Variants in ADAMTS17 observed in about 807,000 individuals in gnomAD.
ADAMTS17 encodes A disintegrin and metalloproteinase with thrombospondin motifs 17.
ADAMTS17 carries 113 observed loss-of-function variants against 141.5 expected under a neutral mutation model. That is an observed-to-expected ratio of 0.80 (90% confidence interval 0.69 to 0.93). The LOEUF is 0.93. Ranked by LOEUF, ADAMTS17 falls within the 40% of genes least tolerant of loss-of-function variation. The pLI is 0.00. For missense variants in ADAMTS17, 1,659 were observed against 1,517.9 expected (o/e 1.09, Z -1.54); for synonymous variants, 768 against 630.6 (o/e 1.22, Z -3.27).
intron 7 of ADAMTS17, among the ~76,000 whole-genome samples, chr15:100,230,207 T>C (rs1472934918): frequency 1.3e-5 from 2 of 152,178 alleles, no homozygotes. Context: ...CACAAACACG[T>C]CACGAATGAC....
chr15:100,004,636 T>G (rs2061001651), intron 18 of ADAMTS17, among the ~76,000 whole-genome samples: 2 of 119,014 alleles, frequency 1.7e-5, no homozygotes, highest in African/African-American at 5.8e-5. Context: ...TTTTTTTTTT[T>G]TTTGAGTGGA....
chr15:100,063,569 C>A, intron 15 of ADAMTS17: 1 of 982,492 alleles, frequency 1.0e-6, no homozygotes, highest in Non-Finnish European at 1.4e-6. Flanking sequence ...ACAACACAGG[C>A]GTGAAACCAG....
chr15:100,295,156 C>A (rs553763401), intron 3 of ADAMTS17, among the ~76,000 whole-genome samples: 4 of 152,310 alleles, frequency 2.6e-5, no homozygotes, highest in African/African-American at 7.2e-5. Flanking sequence ...TATCTTCAGA[C>A]TGAGGTTCAG....
At chr15:100,260,189 T>C (rs1001322917) in intron 6 of ADAMTS17, among the ~76,000 whole-genome samples, 13 of 152,294 alleles carry the variant, frequency 8.5e-5, no homozygotes, top group African/African-American at 3.1e-4. Flanking sequence ...CTGTCCGGTG[T>C]CTGGGGCTGG....
intron 18 of ADAMTS17, among the ~76,000 whole-genome samples, chr15:100,012,761 G>A (rs146194422): frequency 0.014 from 2,167 of 152,278 alleles, 48 homozygotes; most frequent in African/African-American, 0.045. Context: ...TTTTATACCA[G>A]TACCATGCTG....
At chr15:100,322,947 C>T (rs1340059900) in intron 3 of ADAMTS17, among the ~76,000 whole-genome samples, 6 of 151,980 alleles carry the variant, frequency 3.9e-5, no homozygotes, top group Middle Eastern at 3.4e-3. Flanking sequence ...ATTAGCCAGG[C>T]GTGGTGGCGG....
intron 6 of ADAMTS17, among the ~76,000 whole-genome samples, chr15:100,255,767 A>G (rs2043307282): frequency 6.6e-6 from 1 of 152,204 alleles, no homozygotes; most frequent in African/African-American, 2.4e-5. Context: ...ACAGAAGAGA[A>G]GTGAAGCCGC....
rs142036035 is a variant in ADAMTS17 at position 100,307,459 on chromosome 15, C to G, written c.616+23430G>C. On this transcript the variant is annotated intron_variant, in intron 3 of 21. Transcript: ENST00000268070. ...GATGGCAAGAGCAAGCAAGGAAGCC[C>G]CAGCCACACTGCTGTAAACCCTGGG... 1.8e-4 allele frequency among the ~76,000 whole-genome samples: 28 copies of G among 152,310 alleles called. No individual in the cohort carries two copies. The East Asian group carries it at 5.2e-3, about 28-fold the overall frequency.
At chr15:100,137,058 A>G (rs2038371575) in intron 10 of ADAMTS17, among the ~76,000 whole-genome samples, 2 of 152,254 alleles carry the variant, frequency 1.3e-5, no homozygotes, top group African/African-American at 4.8e-5. Context: ...GGCAATGGAA[A>G]AAGATTTTTG....
chr15:100,144,063 T>C (rs1376935283), intron 10 of ADAMTS17, among the ~76,000 whole-genome samples: 2 of 152,174 alleles, frequency 1.3e-5, no homozygotes, highest in Non-Finnish European at 2.9e-5. Flanking sequence ...ATACATAAGA[T>C]AACCAAGAAA....
Position 100,153,082 on chromosome 15 carries a change from G to C in ADAMTS17, c.1323-320C>G, listed in dbSNP as rs78692145. ...GCTTTCTTTGATGAAAATGATTTTGGAAGAGATTATCGTATTTTCTTAGAC... is the reference window on the plus strand; with the variant it reads ...GCTTTCTTTGATGAAAATGATTTTGCAAGAGATTATCGTATTTTCTTAGAC... On this transcript the variant is annotated intron_variant, in intron 9 of 21. Transcript: ENST00000268070. Among the ~76,000 whole-genome samples, 746 of 152,260 alleles carry C rather than the reference G, an allele frequency of 4.9e-3. 6 individuals are homozygous for C. The highest frequency in any genetic ancestry group is 0.017 in the African/African-American group (712 of 41,516).
chr15:100,004,542 CA>C (rs2060997935), intron 18 of ADAMTS17, among the ~76,000 whole-genome samples: 1 of 151,618 alleles, frequency 6.6e-6, no homozygotes, highest in African/African-American at 2.4e-5. Context: ...TAGTAAGCCC[CA>C]AAAAACTTTA....
rs115107467 is a variant in ADAMTS17, at chr15:99,993,533, T to G, written c.2797-333A>C. Among the ~76,000 whole-genome samples the G allele has an allele frequency of 6.6e-6, 1 of 151,718 alleles. No individual in the cohort carries two copies. Among genetic ancestry groups the G allele is most frequent in the African/African-American group, 2.4e-5 (1 of 41,286 alleles). ...GCAATACGTGAGCTCGAAGGGCAGGTGTGTGATGGAGCCATGAGTGGGGCA... is the reference window on the plus strand; with the variant it reads ...GCAATACGTGAGCTCGAAGGGCAGGGGTGTGATGGAGCCATGAGTGGGGCA... On this transcript the variant is annotated intron_variant, in intron 19 of 21. Transcript: ENST00000268070. This position sits in a 1 kb window ranked among gnomAD's most constrained non-coding sequence, Gnocchi z 4.3.
At position 99,997,253 on chromosome 15, in the gene ADAMTS17, C is replaced by T. The variant is rs764075640; in HGVS notation, c.2796+132G>A. On this transcript the variant is annotated intron_variant, in intron 19 of 21. Coordinates refer to ENST00000268070, the MANE Select transcript of ADAMTS17 (RefSeq NM_139057.4). This position sits in a 1 kb window ranked among gnomAD's most constrained non-coding sequence, Gnocchi z 4.7. ...TTATCTGAGATGGAAATTAAGAACA[C>T]ATGAGCTATAACACAACTTCAAGCT... The T allele has an allele frequency of 2.1e-6, 2 of 973,280 alleles. No homozygotes were observed. The highest frequency in any genetic ancestry group is 3.2e-6 in the Non-Finnish European group (2 of 615,438). 60.3% of individuals were successfully genotyped at this position (973,280 alleles called of 1,614,324 possible). A position where few individuals can be genotyped will look rare whatever the true frequency, so the allele number is the denominator to read the frequency against.
Position 100,192,276 on chromosome 15 carries a change from C to G in ADAMTS17, c.1181+7042G>C, listed in dbSNP as rs1327783621. ...TTACCCTTCAGTAGAGAAGGGAAGA[C>G]TGCCTGAGGCCATGATTGCTAAGCA... On this transcript the variant is annotated intron_variant, in intron 8 of 21. Coordinates refer to ENST00000268070, the MANE Select transcript of ADAMTS17 (RefSeq NM_139057.4). 7.9e-5 allele frequency among the ~76,000 whole-genome samples: 12 copies of G among 152,334 alleles called. No homozygotes were observed. The South Asian group carries it at 2.5e-3, about 32-fold the overall frequency.
At chr15:99,989,615 G>T (rs2060653821) in intron 20 of ADAMTS17, among the ~76,000 whole-genome samples, 1 of 152,216 alleles carries the variant, frequency 6.6e-6, no homozygotes, top group South Asian at 2.1e-4. Context: ...GTTACTTATG[G>T]ATCAGAACCT....
At chr15:100,239,090 A>C (rs1015721625) in intron 7 of ADAMTS17, among the ~76,000 whole-genome samples, 1 of 152,232 alleles carries the variant, frequency 6.6e-6, no homozygotes, top group African/African-American at 2.4e-5. Context: ...ACTCCGTCTC[A>C]AAAAAGAAAA....
intron 3 of ADAMTS17, among the ~76,000 whole-genome samples, chr15:100,319,834 G>A (rs577067839): frequency 5.9e-5 from 9 of 152,308 alleles, no homozygotes; most frequent in African/African-American, 2.2e-4. Context: ...GGAGGCTGAG[G>A]CAGGAGAATT....
At chr15:100,298,910 T>G (rs2044922223) in intron 3 of ADAMTS17, among the ~76,000 whole-genome samples, 1 of 151,866 alleles carries the variant, frequency 6.6e-6, no homozygotes, top group South Asian at 2.1e-4. Context: ...GATCAAAGAG[T>G]CAGTGGGGTT....
Sources: allele counts gnomAD v4.1 joint callset (sites outside exome capture counted in the v4.1 genomes callset), GRCh38; gene constraint gnomAD v4.1.1; non-coding constraint Gnocchi (gnomAD v3.1); transcripts MANE v1.5; gene names NCBI Gene and HGNC (gene_info 2026-07-23, HGNC 2026-07-21).